Variants in XKR6 observed in about 807,000 individuals in gnomAD.
XKR6 encodes the protein XK related 6, also known as XK-related protein 6.
Under a neutral mutation model 56.7 loss-of-function variants are expected in XKR6, and 22 were observed. That is an observed-to-expected ratio of 0.39 (90% CI 0.28 to 0.55). The LOEUF is 0.55. XKR6 is among the 20% of genes least tolerant of loss of function. The pLI, the probability that XKR6 is intolerant of heterozygous loss-of-function variation, is 0.66. For missense variants in XKR6, 852 were observed against 889.0 expected, an observed-to-expected ratio of 0.96 and a Z score of 0.53; for synonymous variants, 524 against 387.8, an observed-to-expected ratio of 1.35 and a Z score of -4.13.
rs1799938689 is a variant in XKR6, at chr8:10,898,148, G to C, written c.1730C>G (p.Pro577Arg). 1 of 1,613,958 alleles carries C rather than the reference G, an allele frequency of 6.2e-7. No individual in the cohort carries two copies. Among genetic ancestry groups the C allele is most frequent in the Admixed American group, 1.7e-5 (1 of 60,000 alleles). Residue 577 changes from proline (P) to arginine (R), a missense_variant, in exon 3 of 3, where the codon CCT becomes CGT. Around this residue, in one of 4 missense-constraint regions of XKR6, gnomAD observed 197 missense variants for 190.9 expected, o/e 1.03. Coordinates refer to ENST00000416569, the MANE Select transcript of XKR6 (RefSeq NM_173683.4). The surrounding 1 kb of genome is among the most constrained non-coding windows in gnomAD (Gnocchi z 6.6). ...PMGPPTPLGRPYLPEGPLIKI... is the reference protein window; with the variant it reads ...PMGPPTPLGRRYLPEGPLIKI... The stretch of plus-strand genomic sequence containing the variant: ...AATGAGGGGCCCTTCTGGGAGGTAA[G>C]GACGCCCCAACGGGGTAGGGGGCCC...
intron 1 of XKR6, among the ~76,000 whole-genome samples, chr8:11,060,999 G>T (rs1315786852): frequency 1.3e-5 from 2 of 152,204 alleles, no homozygotes; most frequent in East Asian, 3.8e-4. Context: ...TGGGTTTGGA[G>T]CCAGGTCTAA....
At chr8:11,132,783 A>ACACACACG (rs1800174974) in intron 1 of XKR6, among the ~76,000 whole-genome samples, 1 of 145,692 alleles carries the variant, frequency 6.9e-6, no homozygotes, top group African/African-American at 2.7e-5. Context: ...ACACACACAC[A>ACACACACG]CACGCACATT....
rs140652297 is a variant in XKR6, at chr8:11,153,188, G to C, written c.764+47388C>G. Among the ~76,000 whole-genome samples the C allele has an allele frequency of 4.3e-3, 662 of 152,288 alleles. 3 individuals are homozygous for C. Among genetic ancestry groups the C allele is most frequent in the African/African-American group, 0.015 (626 of 41,554 alleles). On this transcript the variant is annotated intron_variant, in intron 1 of 2. Coordinates refer to ENST00000416569, the MANE Select transcript of XKR6 (RefSeq NM_173683.4). ...ACCACCAAAGCAGAAGAAAAGCTAC[G>C]TGAAGAACTGAACTCAATCTTAATG...
chr8:11,042,288 T>C (rs1799305171), intron 1 of XKR6, among the ~76,000 whole-genome samples: 1 of 152,022 alleles, frequency 6.6e-6, no homozygotes, highest in Non-Finnish European at 1.5e-5. Flanking sequence ...GTATCTGATA[T>C]GGTTTGACTG....
At chr8:11,053,403 C>G (rs1233450914) in intron 1 of XKR6, among the ~76,000 whole-genome samples, 15 of 152,244 alleles carry the variant, frequency 9.9e-5, no homozygotes, top group Admixed American at 3.3e-4. Flanking sequence ...CAGCAGAGAT[C>G]AATCCCAGGT....
At chr8:11,180,372 C>T (rs1297146242) in intron 1 of XKR6, among the ~76,000 whole-genome samples, 2 of 152,156 alleles carry the variant, frequency 1.3e-5, no homozygotes, top group East Asian at 3.9e-4. Context: ...CTAAAAAATT[C>T]TTTGTGGTGA....
At chr8:10,967,232 C>T (rs10107105) in intron 1 of XKR6, among the ~76,000 whole-genome samples, 13 of 152,232 alleles carry the variant, frequency 8.5e-5, no homozygotes, top group African/African-American at 2.2e-4. Flanking sequence ...TTTGTGAAAG[C>T]GGTTCACTAT....
intron 1 of XKR6, among the ~76,000 whole-genome samples, chr8:11,009,702 G>A (rs908174017): frequency 1.3e-5 from 2 of 152,202 alleles, no homozygotes. Context: ...GGAGTCTGTG[G>A]AGACATGATG....
At chr8:11,174,242 T>C (rs1802538235) in intron 1 of XKR6, among the ~76,000 whole-genome samples, 1 of 152,222 alleles carries the variant, frequency 6.6e-6, no homozygotes, top group Non-Finnish European at 1.5e-5. Context: ...ACGTGGAGAT[T>C]CCAAACCCTT....
chr8:10,944,263 A>T (rs1414501526), intron 1 of XKR6, among the ~76,000 whole-genome samples: 1 of 152,222 alleles, frequency 6.6e-6, no homozygotes, highest in African/African-American at 2.4e-5. Context: ...AAGGTAGATG[A>T]CAAGGGCAGC....
At chr8:11,101,802 G>C (rs79502444) in intron 1 of XKR6, among the ~76,000 whole-genome samples, 4 of 152,064 alleles carry the variant, frequency 2.6e-5, no homozygotes, top group South Asian at 2.1e-4. Context: ...TAGTTTGTGG[G>C]TTTATCTCGG....
intron 1 of XKR6, among the ~76,000 whole-genome samples, chr8:11,027,678 C>A (rs552348651): frequency 6.6e-6 from 1 of 152,328 alleles, no homozygotes; most frequent in East Asian, 1.9e-4. Context: ...AAGGCCAAGA[C>A]AACCACGTCT....
chr8:10,935,249 C>A (rs942379899), intron 1 of XKR6, among the ~76,000 whole-genome samples: 7 of 121,202 alleles, frequency 5.8e-5, no homozygotes, highest in Non-Finnish European at 1.0e-4. Context: ...GGTGATATCC[C>A]CTTTATCATT....
intron 1 of XKR6, among the ~76,000 whole-genome samples, chr8:11,168,295 T>G (rs1372076110): frequency 6.6e-6 from 1 of 152,240 alleles, no homozygotes; most frequent in Non-Finnish European, 1.5e-5. Context: ...ATCAATATGT[T>G]GTTGAAGTTG....
chr8:11,113,263 T>A (rs4523214), intron 1 of XKR6, among the ~76,000 whole-genome samples: 83,948 of 152,018 alleles, frequency 0.55, 25,506 homozygotes, highest in African/African-American at 0.78. Flanking sequence ...CAAAAACCTT[T>A]TTGGAATTCT....
chr8:11,068,047 C>G (rs192357460), intron 1 of XKR6, among the ~76,000 whole-genome samples: 2 of 152,366 alleles, frequency 1.3e-5, no homozygotes, highest in African/African-American at 4.8e-5. Context: ...TTGACTTTTC[C>G]TCCTGTCTCC....
At chr8:10,979,644 G>A (rs1797682136) in intron 1 of XKR6, among the ~76,000 whole-genome samples, 2 of 152,198 alleles carry the variant, frequency 1.3e-5, no homozygotes, top group South Asian at 2.1e-4. Flanking sequence ...CTCCTTGGGG[G>A]ACACACGAAA....
intron 1 of XKR6, chr8:11,137,283 T>G (rs1800451377): frequency 3.8e-6 from 1 of 265,278 alleles, no homozygotes; most frequent in African/African-American, 2.3e-5. Flanking sequence ...AGCAGTGCTT[T>G]AAGTTTTAAT....
chr8:11,008,314 G>C (rs1378207148), intron 1 of XKR6, among the ~76,000 whole-genome samples: 1 of 152,086 alleles, frequency 6.6e-6, no homozygotes, highest in African/African-American at 2.4e-5. Flanking sequence ...ACTGAGGCAG[G>C]TAGGCAGTGC....
Sources: gnomAD v4.1 joint callset for allele counts (sites outside exome capture counted in the v4.1 genomes callset) on GRCh38, gnomAD v4.1.1 for gene constraint, gnomAD v4.1.1 regional missense constraint, Gnocchi (gnomAD v3.1) non-coding constraint, MANE v1.5 for transcripts, NCBI Gene and HGNC (gene_info 2026-07-23, HGNC 2026-07-21) for gene names.